Variants in USPL1 observed in about 807,000 individuals in gnomAD.
USPL1 encodes the protein ubiquitin specific peptidase like 1, also known as SUMO-specific isopeptidase USPL1.
In USPL1, 27 loss-of-function variants were observed where a neutral mutation model predicts 51.5. That is an observed-to-expected ratio of 0.52 (90% confidence interval 0.39 to 0.72). The LOEUF is 0.72. Among genes scored for constraint, USPL1 ranks in the 30% least tolerant of loss-of-function variants. The pLI is 0.00. For missense variants in USPL1, 1,226 were observed against 1,268.0 expected, an observed-to-expected ratio of 0.97 and a Z score of 0.50; for synonymous variants, 451 against 459.6, an observed-to-expected ratio of 0.98 and a Z score of 0.24.
chr13:30,641,440 A>T (rs1039249937), intron 5 of USPL1, among the ~76,000 whole-genome samples: 7 of 152,008 alleles, frequency 4.6e-5, no homozygotes, highest in African/African-American at 1.7e-4. Flanking sequence ...GTTCCAGGCT[A>T]GGGGGAGAAC....
chr13:30,632,972 T>A (rs1263414789), intron 4 of USPL1, among the ~76,000 whole-genome samples: 1 of 141,828 alleles, frequency 7.1e-6, no homozygotes, highest in Non-Finnish European at 1.5e-5. Flanking sequence ...TACATTTACC[T>A]ATGCGTTTCC....
Position 30,658,700 on chromosome 13 carries a change from G to A in USPL1, c.2623G>A (p.Ala875Thr). The change falls in exon 9 of 9, where the codon GCA becomes ACA. Residue 875 changes from alanine to threonine, a missense_variant. Physicochemically the swap from Ala to Thr is moderately conservative, Grantham distance 58. Coordinates refer to ENST00000255304, the MANE Select transcript of USPL1 (RefSeq NM_005800.5). Reference protein sequence around the residue: ...HSSYGNGISSANHEDLVEGQI... With the variant: ...HSSYGNGISSTNHEDLVEGQI... ...TTCTTATGGGAATGGTATTTCTTCA[G>A]CAAACCATGAAGACTTGGTGGAAGG... 1 of 1,614,182 alleles carries A rather than the reference G, an allele frequency of 6.2e-7. No homozygotes were observed. The highest frequency in any genetic ancestry group is 1.1e-5 in the South Asian group (1 of 91,082).
At chr13:30,648,942 T>C (rs1273496357) in intron 7 of USPL1, among the ~76,000 whole-genome samples, 1 of 152,200 alleles carries the variant, frequency 6.6e-6, no homozygotes, top group Non-Finnish European at 1.5e-5. Context: ...TTGGTGTATA[T>C]GATTTCATCT....
intron 3 of USPL1, among the ~76,000 whole-genome samples, chr13:30,627,673 A>C (rs1183400363): frequency 6.6e-6 from 1 of 152,112 alleles, no homozygotes; most frequent in Non-Finnish European, 1.5e-5. Context: ...TTCTCTTAAA[A>C]AAATTTGTAT....
At chr13:30,655,837 G>T (rs1194736042) in intron 8 of USPL1, among the ~76,000 whole-genome samples, 4 of 152,196 alleles carry the variant, frequency 2.6e-5, no homozygotes, top group African/African-American at 9.6e-5. Context: ...TAGTAAGTGC[G>T]ATGGTGTTTG....
At chr13:30,635,308 C>T (rs1222817052) in intron 4 of USPL1, among the ~76,000 whole-genome samples, 1 of 152,118 alleles carries the variant, frequency 6.6e-6, no homozygotes, top group African/African-American at 2.4e-5. Context: ...TGAAATTTCT[C>T]ATTCAGTTGG....
chr13:30,657,787 T>A lies in USPL1; in HGVS notation c.1710T>A (p.Asp570Glu), dbSNP rs373409006. The change falls in exon 9 of 9, where the codon GAT becomes GAA. Residue 570 changes from aspartate to glutamate, a missense_variant. Asp to Glu is a conservative substitution (Grantham distance 45). Transcript: ENST00000255304. The stretch of plus-strand genomic sequence containing the variant: ...AGGACACAGCTGTAACTCATGGAGA[T>A]CATTTACTTTCAGGTCCAAAAGGTT... ...LSQDTAVTHG[D>E]HLLSGPKGLV... 1.3e-5 allele frequency: 21 copies of A among 1,613,962 alleles called. No individual in the cohort carries two copies. The highest frequency in any genetic ancestry group is 1.8e-5 in the Non-Finnish European group (21 of 1,180,034).
intron 4 of USPL1, 100 bp downstream of exon 4, chr13:30,631,574 C>T (rs1014802592): frequency 2.5e-6 from 3 of 1,207,858 alleles, no homozygotes; most frequent in Non-Finnish European, 3.4e-6. Context: ...GATCATGTCT[C>T]CTTGCAGCCT....
chr13:30,653,112 A>G, intron 7 of USPL1, 36 bp from the exon 8 acceptor site: 1 of 1,544,336 alleles, frequency 6.5e-7, no homozygotes, highest in Non-Finnish European at 8.8e-7. Context: ...CATGGCATTA[A>G]ATTTATTTAA....
intron 1 of USPL1, among the ~76,000 whole-genome samples, chr13:30,619,206 A>T (rs1037830592): frequency 1.3e-5 from 2 of 152,184 alleles, no homozygotes; most frequent in African/African-American, 4.8e-5. Context: ...TTTGTATGTA[A>T]GTCAAAGTGA....
chr13:30,617,969 T>A lies in USPL1; in HGVS notation c.-156T>A, dbSNP rs1950590385. The A allele has an allele frequency of 1.3e-5, 2 of 152,170 alleles. No individual in the cohort carries two copies. The highest frequency in any genetic ancestry group is 4.8e-5 in the African/African-American group (2 of 41,416). 9.4% of individuals were successfully genotyped at this position (152,170 alleles called of 1,614,324 possible). On this transcript the variant is annotated 5_prime_UTR_variant, in exon 1 of 9. Transcript: ENST00000255304. The stretch of plus-strand genomic sequence containing the variant: ...GGGGAGGAGCAGTCCGAGGGGAACG[T>A]GGGTTGAACGTTGCAACTAGGGTGG...
intron 7 of USPL1, among the ~76,000 whole-genome samples, chr13:30,651,541 G>A (rs753433867): frequency 6.6e-6 from 1 of 152,190 alleles, no homozygotes; most frequent in African/African-American, 2.4e-5. Context: ...TATTTTCCAC[G>A]TGTAAACTTA....
chr13:30,638,138 G>A (rs111312813), intron 5 of USPL1, among the ~76,000 whole-genome samples: 5 of 152,176 alleles, frequency 3.3e-5, no homozygotes, highest in Non-Finnish European at 7.3e-5. Flanking sequence ...TCTCTAGTAC[G>A]TTTCCTAGTA....
intron 3 of USPL1, among the ~76,000 whole-genome samples, chr13:30,624,889 T>C (rs761977686): frequency 1.3e-5 from 2 of 152,194 alleles, no homozygotes; most frequent in East Asian, 3.8e-4. Flanking sequence ...CCAAGGGTAA[T>C]TATCTCAAAA....
In USPL1 at chr13:30,659,491, CTTTGGTT is replaced by C; in HGVS notation, c.*136_*142del. 1.3e-6 allele frequency: 1 copy of C among 780,590 alleles called. No individual in the cohort carries two copies. Among genetic ancestry groups the C allele is most frequent in the Non-Finnish European group, 1.9e-6 (1 of 520,926 alleles). 48.4% of individuals were successfully genotyped at this position (780,590 alleles called of 1,614,324 possible). A position where few individuals can be genotyped will look rare whatever the true frequency, so the allele number is the denominator to read the frequency against. ...CCATGAACAAAATGCAAGGTTTAAC[CTTTGGTT>C]CTGCCCATGAAGCATGTAATCTTTC... On this transcript the variant is annotated 3_prime_UTR_variant, in exon 9 of 9. Coordinates refer to ENST00000255304, the MANE Select transcript of USPL1 (RefSeq NM_005800.5).
chr13:30,645,144 G>A (rs753911021), intron 6 of USPL1, among the ~76,000 whole-genome samples: 11 of 152,174 alleles, frequency 7.2e-5, no homozygotes, highest in Admixed American at 3.9e-4. Context: ...GCTCACTGTG[G>A]TATACTCCTT....
intron 4 of USPL1, among the ~76,000 whole-genome samples, chr13:30,632,900 A>G (rs1950826265): frequency 6.6e-6 from 1 of 152,210 alleles, no homozygotes; most frequent in Admixed American, 6.5e-5. Context: ...TATTCTCTGT[A>G]AAATAGGATA....
At chr13:30,649,739 A>G (rs1446490576) in intron 7 of USPL1, among the ~76,000 whole-genome samples, 2 of 152,236 alleles carry the variant, frequency 1.3e-5, no homozygotes, top group Non-Finnish European at 2.9e-5. Context: ...TTTGGGTAGC[A>G]GAGGTTAACA....
At chr13:30,637,971 A>G in intron 5 of USPL1, 114 bp downstream of exon 5, 1 of 858,146 alleles carries the variant, frequency 1.2e-6, no homozygotes, top group Non-Finnish European at 1.8e-6. Context: ...TTCTTGGGAG[A>G]GAGAATCTGA....
Sources: allele counts gnomAD v4.1 joint callset (sites outside exome capture counted in the v4.1 genomes callset), GRCh38; gene constraint gnomAD v4.1.1; transcripts MANE v1.5; gene names NCBI Gene and HGNC (gene_info 2026-07-23, HGNC 2026-07-21).